The following SETX variants were observed in gnomAD, a reference collection of about 807,000 sequenced individuals.
SETX encodes the protein senataxin, also known as helicase senataxin.
Under a neutral mutation model 227.2 loss-of-function variants are expected in SETX, and 90 were observed. The ratio of observed to expected loss-of-function variants is 0.40; its 90% CI spans 0.33 to 0.47. SETX has a LOEUF of 0.47. SETX is among the 20% of genes least tolerant of loss of function. SETX has a pLI of 0.91. For missense variants in SETX, 3,052 were observed against 3,181.5 expected (o/e 0.96, Z 0.98); for synonymous variants, 1,210 against 1,113.2 (o/e 1.09, Z -1.73).
chr9:132,267,181 TC>T (rs1842688816), intron 25 of SETX, among the ~76,000 whole-genome samples: 1 of 152,198 alleles, frequency 6.6e-6, no homozygotes, highest in Admixed American at 6.5e-5. Flanking sequence ...TAAGCTGACT[TC>T]ACAGTAGTTT....
intron 24 of SETX, among the ~76,000 whole-genome samples, chr9:132,270,363 T>C (rs1295785268): frequency 2.0e-5 from 3 of 151,718 alleles, no homozygotes; most frequent in Non-Finnish European, 4.4e-5. Context: ...AGCATGCCCA[T>C]GTGAGACACA....
chr9:132,337,962 C>T (rs988534237), intron 5 of SETX, among the ~76,000 whole-genome samples: 5 of 152,260 alleles, frequency 3.3e-5, no homozygotes, highest in Admixed American at 6.5e-5. Context: ...AAGGATATGG[C>T]GTGCCTCTGT....
chr9:132,347,273 G>GA (rs908779664), intron 3 of SETX, among the ~76,000 whole-genome samples: 198 of 149,404 alleles, frequency 1.3e-3, no homozygotes, highest in African/African-American at 4.0e-3. Context: ...CCAAACAAAC[G>GA]AAAAAAAACA....
intron 6 of SETX, among the ~76,000 whole-genome samples, chr9:132,335,496 G>A (rs1847562906): frequency 6.9e-6 from 1 of 144,474 alleles, no homozygotes; most frequent in Non-Finnish European, 1.5e-5. Context: ...TTTTTTTTAG[G>A]AGACAGGATC....
chr9:132,288,388 C>T, intron 16 of SETX, 37 bp from the exon 17 acceptor site: 1 of 1,511,848 alleles, frequency 6.6e-7, no homozygotes, highest in Non-Finnish European at 9.1e-7. Context: ...ATATGCTATT[C>T]TAATTCTAAC....
intron 5 of SETX, among the ~76,000 whole-genome samples, chr9:132,340,217 T>C (rs558425868): frequency 6.6e-6 from 1 of 152,160 alleles, no homozygotes; most frequent in Non-Finnish European, 1.5e-5. Context: ...TTTTTAATTA[T>C]ACTTTAAGTT....
At chr9:132,318,602 G>A (rs1484604013) in intron 10 of SETX, among the ~76,000 whole-genome samples, 1 of 152,152 alleles carries the variant, frequency 6.6e-6, no homozygotes, top group Non-Finnish European at 1.5e-5. Flanking sequence ...TTACCTTTCT[G>A]AATTCTCACT....
At chr9:132,337,406 T>G (rs1326793218) in intron 5 of SETX, among the ~76,000 whole-genome samples, 2 of 145,076 alleles carry the variant, frequency 1.4e-5, no homozygotes, top group Admixed American at 7.2e-5. Context: ...TTGGAGACTA[T>G]GAATTAAATT....
chr9:132,318,008 T>G (rs1417563098), intron 10 of SETX, among the ~76,000 whole-genome samples: 2 of 152,336 alleles, frequency 1.3e-5, no homozygotes, highest in East Asian at 3.9e-4. Flanking sequence ...GAGATCCTTA[T>G]TACACATATA....
At chr9:132,318,402 C>A (rs1846123217) in intron 10 of SETX, among the ~76,000 whole-genome samples, 1 of 152,132 alleles carries the variant, frequency 6.6e-6, no homozygotes, top group African/African-American at 2.4e-5. Context: ...TGCAGATGTT[C>A]CCCTCTGAAT....
At chr9:132,351,084 AAAG>A (rs771008730) in intron 2 of SETX, among the ~76,000 whole-genome samples, 1 of 152,360 alleles carries the variant, frequency 6.6e-6, no homozygotes, top group East Asian at 1.9e-4. Flanking sequence ...ATTTTATTCA[AAAG>A]AAGAATTACT....
chr9:132,277,608 G>T (rs554900116), intron 21 of SETX, among the ~76,000 whole-genome samples: 5 of 151,934 alleles, frequency 3.3e-5, no homozygotes, highest in African/African-American at 1.2e-4. Context: ...GCGAAACCCC[G>T]TTTCTACAAA....
chr9:132,338,372 T>C (rs935324768), intron 5 of SETX, among the ~76,000 whole-genome samples: 3 of 152,170 alleles, frequency 2.0e-5, no homozygotes, highest in Non-Finnish European at 4.4e-5. Flanking sequence ...ATTACAGGCA[T>C]GAGCCACCGT....
chr9:132,335,157 A>G lies in SETX; in HGVS notation c.719-430T>C, dbSNP rs535338370. Among the ~76,000 whole-genome samples the G allele has an allele frequency of 2.7e-3, 404 of 151,870 alleles. 1 individual carries two copies. Among genetic ancestry groups the G allele is most frequent in the South Asian group, 0.012 (56 of 4,806 alleles). On this transcript the variant is annotated intron_variant, in intron 6 of 25. Transcript: ENST00000224140. ...TGTAATCCCAGCACTTTGGGAGGCC[A>G]AGGCGGGCAGATCACAAAGTCAGGA...
intron 18 of SETX, 134 bp from the exon 19 acceptor site, chr9:132,283,547 G>T: frequency 9.1e-7 from 1 of 1,101,242 alleles, no homozygotes; most frequent in Non-Finnish European, 1.3e-6. Flanking sequence ...AAAAGTTAGG[G>T]GAAACCCTCA....
At chr9:132,318,408 T>C (rs1464475686) in intron 10 of SETX, among the ~76,000 whole-genome samples, 1 of 152,204 alleles carries the variant, frequency 6.6e-6, no homozygotes. Context: ...TGTTCCCCTC[T>C]GAATTCATAC....
chr9:132,336,597 C>A (rs1412493703), intron 5 of SETX, 82 bp from the exon 6 acceptor site: 3 of 1,012,438 alleles, frequency 3.0e-6, no homozygotes, highest in Non-Finnish European at 4.7e-6. Context: ...AAACAGGATT[C>A]TCTGCATATT....
intron 2 of SETX, among the ~76,000 whole-genome samples, chr9:132,349,884 A>G (rs949409118): frequency 6.6e-6 from 1 of 152,190 alleles, no homozygotes; most frequent in African/African-American, 2.4e-5. Context: ...AGAGATCTAA[A>G]ACTAGTTAGT....
chr9:132,285,157 G>A (rs1251034747), intron 18 of SETX, among the ~76,000 whole-genome samples: 3 of 152,000 alleles, frequency 2.0e-5, no homozygotes, highest in Admixed American at 6.6e-5. Context: ...GAGTACAGGC[G>A]TGAGCCACCG....
Sources: allele counts gnomAD v4.1 joint callset (sites outside exome capture counted in the v4.1 genomes callset), GRCh38; gene constraint gnomAD v4.1.1; transcripts MANE v1.5; gene names NCBI Gene and HGNC (gene_info 2026-07-23, HGNC 2026-07-21).